AKAP6: variants seen among roughly 807,000 people sequenced by gnomAD.
The protein encoded by AKAP6 is A-kinase anchoring protein 6.
AKAP6 carries 58 observed loss-of-function variants against 188.5 expected under a neutral mutation model. The observed-to-expected ratio is 0.31, with a 90% confidence interval of 0.25 to 0.38. The LOEUF (loss-of-function observed/expected upper bound fraction) is 0.38, where lower values mean the gene tolerates loss of function less well. Ranked by LOEUF, AKAP6 falls within the 10% of genes least tolerant of loss-of-function variation. The probability of loss-of-function intolerance (pLI) is 1.00; values close to 1 mark genes in which losing one functional copy is unlikely to be tolerated. For synonymous variants in AKAP6, 989 were observed against 998.6 expected, an observed-to-expected ratio of 0.99 and a Z score of 0.18; for missense variants, 2,710 against 2,740.0, an observed-to-expected ratio of 0.99 and a Z score of 0.24.
chr14:32,607,416 T>C (rs1886168994), intron 7 of AKAP6, among the ~76,000 whole-genome samples: 1 of 152,186 alleles, frequency 6.6e-6, no homozygotes, highest in South Asian at 2.1e-4. Flanking sequence ...AGCACAGGTA[T>C]ATGTTATCGA....
intron 1 of AKAP6, among the ~76,000 whole-genome samples, chr14:32,423,071 A>G (rs1000489351): frequency 1.3e-5 from 2 of 152,120 alleles, no homozygotes; most frequent in Admixed American, 1.3e-4. Flanking sequence ...AACTTTTTTC[A>G]GTAGTGTTAG....
chr14:32,475,386 T>C lies in AKAP6; in HGVS notation c.324+41569T>C, dbSNP rs549590709. Among the ~76,000 whole-genome samples, 25 of 152,342 alleles carry C rather than the reference T, an allele frequency of 1.6e-4. No homozygotes were observed. In the South Asian group the frequency reaches 4.8e-3, roughly 29 times the overall value. On this transcript the variant is annotated intron_variant, in intron 2 of 13. Coordinates refer to ENST00000280979, the MANE Select transcript of AKAP6 (RefSeq NM_004274.5). ...CTACCTTCACATTGGCTACAGCTGA[T>C]TCAGGCATCCCCTCCATTAATCCTT... is the stretch of plus-strand genomic sequence containing the variant.
At chr14:32,357,483 T>G (rs1204391077) in intron 1 of AKAP6, among the ~76,000 whole-genome samples, 1 of 152,208 alleles carries the variant, frequency 6.6e-6, no homozygotes, top group African/African-American at 2.4e-5. Flanking sequence ...TTTATCGAGT[T>G]GAGGTTAGAT....
At chr14:32,502,761 C>T (rs893353070) in intron 2 of AKAP6, among the ~76,000 whole-genome samples, 6 of 152,158 alleles carry the variant, frequency 3.9e-5, no homozygotes, top group East Asian at 3.9e-4. Flanking sequence ...GATCTTTCTG[C>T]GTCAGAATAT....
chr14:32,473,312 G>A (rs1207419637), intron 2 of AKAP6, among the ~76,000 whole-genome samples: 1 of 152,198 alleles, frequency 6.6e-6, no homozygotes, highest in African/African-American at 2.4e-5. Flanking sequence ...TTCAGAGGCT[G>A]CCCACAGCCT....
chr14:32,462,573 G>A (rs1174603768), intron 2 of AKAP6, among the ~76,000 whole-genome samples: 1 of 152,070 alleles, frequency 6.6e-6, no homozygotes, highest in African/African-American at 2.4e-5. Flanking sequence ...GCTCCTCAAG[G>A]AAGCACTGAA....
At position 32,829,915 on chromosome 14, in the gene AKAP6, G is replaced by C; in HGVS notation, c.*110G>C. ...CTGGGCTGGCCTCTGGTTCCATCAC[G>C]TTTGTCACTGCCGTTTATTACATTG... On this transcript the variant is annotated 3_prime_UTR_variant, in exon 14 of 14. Transcript: ENST00000280979. The C allele has an allele frequency of 2.8e-6, 2 of 702,648 alleles. No individual in the cohort carries two copies. The highest frequency in any genetic ancestry group is 5.2e-6 in the Non-Finnish European group (2 of 384,760). 43.5% of individuals were successfully genotyped at this position (702,648 alleles called of 1,614,324 possible).
At chr14:32,624,458 A>G (rs1179419173) in intron 7 of AKAP6, among the ~76,000 whole-genome samples, 1 of 152,152 alleles carries the variant, frequency 6.6e-6, no homozygotes, top group Non-Finnish European at 1.5e-5. Context: ...AGTCTCCTAA[A>G]GAGAAAATAT....
chr14:32,555,997 C>T (rs1883670273), intron 4 of AKAP6, among the ~76,000 whole-genome samples: 1 of 149,838 alleles, frequency 6.7e-6, no homozygotes, highest in Non-Finnish European at 1.5e-5. Context: ...TTTTGAGGAT[C>T]ATGTATATTT....
chr14:32,668,786 A>C (rs1052311235), intron 7 of AKAP6, among the ~76,000 whole-genome samples: 2 of 152,046 alleles, frequency 1.3e-5, no homozygotes, highest in Non-Finnish European at 2.9e-5. Context: ...GTCTTCTGAT[A>C]ATAGTTTTAT....
chr14:32,399,231 T>A (rs1440224450), intron 1 of AKAP6, among the ~76,000 whole-genome samples: 1 of 152,184 alleles, frequency 6.6e-6, no homozygotes, highest in Non-Finnish European at 1.5e-5. Flanking sequence ...GAGCAAAAAC[T>A]ACAATAAGTT....
chr14:32,466,211 C>A (rs913713502), intron 2 of AKAP6, among the ~76,000 whole-genome samples: 3 of 152,212 alleles, frequency 2.0e-5, no homozygotes, highest in African/African-American at 4.8e-5. Context: ...TTTGACCCAA[C>A]AGTCCCATTA....
rs150591358 is a variant in AKAP6, at chr14:32,822,179, G to A, written c.4366G>A (p.Glu1456Lys). The change falls in exon 13 of 14, where the codon GAA becomes AAA. Residue 1456 changes from glutamate to lysine, a missense_variant. By Grantham distance (56) the Glu-to-Lys change is moderately conservative. This residue lies in a region of AKAP6 where 2,473 missense variants were observed against 2,426.1 expected (regional missense o/e 1.02). Transcript: ENST00000280979. ...ITKHTPDCLG[E>K]ELQGKHDVFT... The stretch of plus-strand genomic sequence containing the variant: ...CAAACATACCCCTGACTGTTTGGGA[G>A]AAGAATTACAAGGAAAACATGATGT... 2.0e-4 allele frequency: 316 copies of A among 1,613,816 alleles called. No homozygotes were observed. Among genetic ancestry groups the A allele is most frequent in the East Asian group, 2.2e-5 (1 of 44,866 alleles).
intron 2 of AKAP6, among the ~76,000 whole-genome samples, chr14:32,464,775 G>T (rs1409228129): frequency 1.3e-5 from 2 of 152,218 alleles, no homozygotes; most frequent in African/African-American, 4.8e-5. Context: ...GAAATAAAGG[G>T]TATTCAATTA....
chr14:32,480,898 C>T (rs1879307777), intron 2 of AKAP6, among the ~76,000 whole-genome samples: 2 of 152,094 alleles, frequency 1.3e-5, no homozygotes, highest in African/African-American at 4.8e-5. Context: ...ATGGTAAAGA[C>T]ACTTTAAAAA....
At chr14:32,623,022 C>T (rs1344898732) in intron 7 of AKAP6, among the ~76,000 whole-genome samples, 2 of 152,058 alleles carry the variant, frequency 1.3e-5, no homozygotes, top group East Asian at 3.9e-4. Context: ...TGTGAAAAAT[C>T]AGTCCCCGCA....
chr14:32,795,579 A>G (rs1470149452), intron 12 of AKAP6, among the ~76,000 whole-genome samples: 1 of 152,254 alleles, frequency 6.6e-6, no homozygotes, highest in Non-Finnish European at 1.5e-5. Context: ...AGCCTTTGAT[A>G]AAATCCAGTA....
chr14:32,643,369 A>G (rs1032650429), intron 7 of AKAP6, among the ~76,000 whole-genome samples: 18 of 151,076 alleles, frequency 1.2e-4, no homozygotes, highest in African/African-American at 3.2e-4. Flanking sequence ...GTGCAGTGGC[A>G]TGATCTCGGC....
At chr14:32,680,282 C>T (rs1410819315) in intron 8 of AKAP6, among the ~76,000 whole-genome samples, 3 of 152,166 alleles carry the variant, frequency 2.0e-5, no homozygotes, top group Non-Finnish European at 4.4e-5. Flanking sequence ...AAACCATATA[C>T]TCCTTTCTAT....
Sources: gnomAD v4.1 joint callset for allele counts (sites outside exome capture counted in the v4.1 genomes callset) on GRCh38, gnomAD v4.1.1 for gene constraint, gnomAD v4.1.1 regional missense constraint, MANE v1.5 for transcripts, NCBI Gene and HGNC (gene_info 2026-07-23, HGNC 2026-07-21) for gene names.